FAF2: variants seen among roughly 807,000 people sequenced by gnomAD.
FAF2 encodes the protein Fas associated factor family member 2, also known as FAS-associated factor 2.
FAF2 carries 9 observed loss-of-function variants against 62.3 expected under a neutral mutation model. The observed-to-expected ratio is 0.14, with a 90% confidence interval of 0.09 to 0.25. The LOEUF is 0.25. Ranked by LOEUF, FAF2 falls within the 10% of genes least tolerant of loss-of-function variation. The probability of loss-of-function intolerance (pLI) is 1.00; values close to 1 mark genes in which losing one functional copy is unlikely to be tolerated. For synonymous variants in FAF2, 202 were observed against 198.0 expected (o/e 1.02, Z -0.17); for missense variants, 368 against 556.2 (o/e 0.66, Z 3.40).
At chr5:176,471,572 G>A (rs1487708967) in intron 1 of FAF2, among the ~76,000 whole-genome samples, 2 of 151,406 alleles carry the variant, frequency 1.3e-5, no homozygotes, top group Non-Finnish European at 2.9e-5. Context: ...TAGTAGAGAC[G>A]GGGTTTCACC....
At chr5:176,486,251 C>A (rs376480162) in intron 2 of FAF2, 104 bp from the exon 3 acceptor site, 1 of 1,452,464 alleles carries the variant, frequency 6.9e-7, no homozygotes, top group Non-Finnish European at 9.5e-7. Flanking sequence ...TTGGTGTATT[C>A]ATGACCATCC....
intron 3 of FAF2, among the ~76,000 whole-genome samples, chr5:176,486,872 C>A (rs1280070864): frequency 6.6e-6 from 1 of 152,148 alleles, no homozygotes; most frequent in Non-Finnish European, 1.5e-5. Context: ...AGGTGGTTCA[C>A]TTAAATTTGA....
intron 1 of FAF2, among the ~76,000 whole-genome samples, chr5:176,461,024 T>A (rs1234936444): frequency 6.6e-6 from 1 of 151,958 alleles, no homozygotes; most frequent in Non-Finnish European, 1.5e-5. Context: ...TTCTCTTTTT[T>A]TTTTTTCAGA....
intron 10 of FAF2, among the ~76,000 whole-genome samples, chr5:176,502,580 C>CAA (rs370079277): frequency 2.8e-5 from 4 of 141,178 alleles, no homozygotes; most frequent in African/African-American, 1.0e-4. Flanking sequence ...AACTCTGGCT[C>CAA]AAAAAAAAAA....
intron 8 of FAF2, among the ~76,000 whole-genome samples, chr5:176,497,743 T>C (rs1755523266): frequency 6.6e-6 from 1 of 152,200 alleles, no homozygotes; most frequent in Non-Finnish European, 1.5e-5. Flanking sequence ...AATATAAGTA[T>C]ATTTTAAGGC....
intron 7 of FAF2, among the ~76,000 whole-genome samples, chr5:176,495,498 A>T (rs1376924962): frequency 2.9e-5 from 4 of 139,756 alleles, no homozygotes; most frequent in African/African-American, 8.2e-5. Context: ...AATCTTGGTC[A>T]TTTGGACACC....
At chr5:176,457,596 T>C (rs115058174) in intron 1 of FAF2, among the ~76,000 whole-genome samples, 1,919 of 152,244 alleles carry the variant, frequency 0.013, 44 homozygotes, top group African/African-American at 0.044. Flanking sequence ...TGCTTAAAAT[T>C]AGTATCAAAA....
In FAF2 at chr5:176,508,404, A is replaced by G. The variant is rs1363797233; in HGVS notation, c.*1454A>G. 3 of 152,156 alleles carry G rather than the reference A, an allele frequency of 2.0e-5. No individual in the cohort carries two copies. The highest frequency in any genetic ancestry group is 7.2e-5 in the African/African-American group (3 of 41,416). 9.4% of individuals were successfully genotyped at this position (152,156 alleles called of 1,614,324 possible). A position where few individuals can be genotyped will look rare whatever the true frequency, so the allele number is the denominator to read the frequency against. On this transcript the variant is annotated 3_prime_UTR_variant, in exon 11 of 11. Transcript: ENST00000261942. ...AATGCTGTGAGGGCGGGGGGTTCAG[A>G]TCAACATAAAGCCTAACTTGCTGGA...
At chr5:176,471,246 C>T (rs560994660) in intron 1 of FAF2, among the ~76,000 whole-genome samples, 1 of 152,230 alleles carries the variant, frequency 6.6e-6, no homozygotes, top group Admixed American at 6.5e-5. Flanking sequence ...TTCATGCCTT[C>T]TACAATTACT....
At chr5:176,455,424 G>A (rs1042796109) in intron 1 of FAF2, among the ~76,000 whole-genome samples, 1 of 152,058 alleles carries the variant, frequency 6.6e-6, no homozygotes, top group African/African-American at 2.4e-5. Flanking sequence ...ACTCCAGCCT[G>A]GGTGACAGAG....
At chr5:176,467,761 A>G (rs1004734387) in intron 1 of FAF2, among the ~76,000 whole-genome samples, 1 of 152,268 alleles carries the variant, frequency 6.6e-6, no homozygotes, top group Non-Finnish European at 1.5e-5. Flanking sequence ...ATAATGGGCA[A>G]GATAGCAATA....
At chr5:176,500,435 G>A (rs1267483654) in intron 10 of FAF2, among the ~76,000 whole-genome samples, 1 of 152,128 alleles carries the variant, frequency 6.6e-6, no homozygotes, top group Non-Finnish European at 1.5e-5. Flanking sequence ...TCCCTCAAAA[G>A]ACTTGTGTGT....
chr5:176,507,440 C>T lies in FAF2; in HGVS notation c.*490C>T. 3 of 342,024 alleles carry T rather than the reference C, an allele frequency of 8.8e-6. No homozygotes were observed. The highest frequency in any genetic ancestry group is 6.8e-5 in the South Asian group (3 of 43,924). The allele number at this position is 342,024 out of a possible 1,614,324, so 21.2% of individuals were successfully genotyped here. ...CACAGAGCAGAGAAGCAGAGATGTT[C>T]CTTGAACTGCCCACAAGTTTTCAAT... On this transcript the variant is annotated 3_prime_UTR_variant, in exon 11 of 11. Transcript: ENST00000261942.
chr5:176,470,354 G>A (rs932345339), intron 1 of FAF2, among the ~76,000 whole-genome samples: 1 of 152,228 alleles, frequency 6.6e-6, no homozygotes, highest in South Asian at 2.1e-4. Flanking sequence ...GAGGCGGGCG[G>A]ATCACCTGAG....
At chr5:176,484,310 C>G (rs1581068406) in intron 2 of FAF2, among the ~76,000 whole-genome samples, 1 of 152,074 alleles carries the variant, frequency 6.6e-6, no homozygotes, top group Admixed American at 6.6e-5. Flanking sequence ...ATAAACAATT[C>G]ATAAGTTTTA....
chr5:176,506,900 G>A lies in FAF2; in HGVS notation c.1288G>A (p.Gly430Arg), dbSNP rs1755693816. 1.9e-6 allele frequency: 3 copies of A among 1,607,942 alleles called. No individual in the cohort carries two copies. Among genetic ancestry groups the A allele is most frequent in the Non-Finnish European group, 2.6e-6 (3 of 1,176,332 alleles). ...CAATCCCCCTACGCTACAGGAGGCC[G>A]GACTCAGCCACACAGAAGTTCTTTT... ...WPNPPTLQEA[G>R]LSHTEVLFVQ... Residue 430 changes from glycine to arginine, a missense_variant, in exon 11 of 11, where the codon GGA becomes AGA. Physicochemically the swap from Gly to Arg is moderately radical, Grantham distance 125. Around this residue, in one of 2 missense-constraint regions of FAF2, gnomAD observed 37 missense variants for 114.3 expected, o/e 0.32. Transcript: ENST00000261942.
At chr5:176,466,784 A>G (rs1405578279) in intron 1 of FAF2, among the ~76,000 whole-genome samples, 1 of 148,388 alleles carries the variant, frequency 6.7e-6, no homozygotes, top group Non-Finnish European at 1.5e-5. Flanking sequence ...TCCCGTATAC[A>G]TTTTACAAGA....
At chr5:176,480,798 C>T (rs997483955) in intron 2 of FAF2, among the ~76,000 whole-genome samples, 1 of 4,258 alleles carries the variant, frequency 2.3e-4, no homozygotes, top group African/African-American at 9.5e-4. Flanking sequence ...CGGGGCCTCT[C>T]GGGGGGTGGG....
chr5:176,473,700 G>A (rs1289703172), intron 1 of FAF2, among the ~76,000 whole-genome samples: 1 of 152,182 alleles, frequency 6.6e-6, no homozygotes, highest in African/African-American at 2.4e-5. Flanking sequence ...TTTATATCAT[G>A]CGTATTTATT....
Sources: gnomAD v4.1 joint callset for allele counts (sites outside exome capture counted in the v4.1 genomes callset) on GRCh38, gnomAD v4.1.1 for gene constraint, gnomAD v4.1.1 regional missense constraint, MANE v1.5 for transcripts, NCBI Gene and HGNC (gene_info 2026-07-23, HGNC 2026-07-21) for gene names.